The following CDS2 variants were observed in gnomAD, a reference collection of about 807,000 sequenced individuals.
CDS2 encodes the protein phosphatidate cytidylyltransferase 2.
CDS2 carries 47 observed loss-of-function variants against 59.0 expected under a neutral mutation model. That is an observed-to-expected ratio of 0.80 (90% confidence interval 0.63 to 1.02). The LOEUF (loss-of-function observed/expected upper bound fraction) is 1.02. Ranked by LOEUF, CDS2 falls within the 50% of genes least tolerant of loss-of-function variation. CDS2 has a pLI of 0.00. For synonymous variants in CDS2, 207 were observed against 206.4 expected (o/e 1.00, Z -0.02); for missense variants, 356 against 558.9 (o/e 0.64, Z 3.66).
chr20:5,135,427 T>TG (rs148917027), intron 1 of CDS2, among the ~76,000 whole-genome samples: 1 of 151,656 alleles, frequency 6.6e-6, no homozygotes, highest in African/African-American at 2.4e-5. Flanking sequence ...TAGAGGCTGT[T>TG]GGGGGTGAAA....
At chr20:5,134,210 C>G (rs559662801) in intron 1 of CDS2, among the ~76,000 whole-genome samples, 1 of 152,150 alleles carries the variant, frequency 6.6e-6, no homozygotes, top group Non-Finnish European at 1.5e-5. Context: ...GGCGCCTTAC[C>G]CAGGCAGTGG....
chr20:5,153,300 C>A (rs1568533382), intron 1 of CDS2, among the ~76,000 whole-genome samples: 1 of 152,134 alleles, frequency 6.6e-6, no homozygotes, highest in Non-Finnish European at 1.5e-5. Context: ...AGAGTGCGTA[C>A]ATATCATATT....
rs2091135105 is a variant in CDS2 at position 5,193,638 on chromosome 20, G to A, written c.*3404G>A. ...AGCCCTTGTCACCTGTTTGTATGGG[G>A]ACCATGTTTCCCAAAGCTCAGGTTC... On this transcript the variant is annotated 3_prime_UTR_variant, in exon 13 of 13. Coordinates refer to ENST00000460006, the MANE Select transcript of CDS2 (RefSeq NM_003818.4). 6.6e-6 allele frequency: 1 copy of A among 152,188 alleles called. No homozygotes were observed. Among genetic ancestry groups the A allele is most frequent in the South Asian group, 2.1e-4 (1 of 4,828 alleles). 9.4% of individuals were successfully genotyped at this position (152,188 alleles called of 1,614,324 possible).
chr20:5,186,099 G>A (rs1325927615), intron 9 of CDS2, among the ~76,000 whole-genome samples: 1 of 152,226 alleles, frequency 6.6e-6, no homozygotes, highest in Non-Finnish European at 1.5e-5. Flanking sequence ...ATGTTCCAAG[G>A]TCAGGGTGAG....
At position 5,127,070 on chromosome 20, in the gene CDS2, G is replaced by C. The variant is rs1371681391; in HGVS notation, c.-23G>C. ...GGCGGCTTCGCTGCTAGCTCGCGGC[G>C]ACGTCGGGCCGATTTTCCCAGGATG... On this transcript the variant is annotated 5_prime_UTR_variant, in exon 1 of 13. Transcript: ENST00000460006. 6.0e-6 allele frequency: 9 copies of C among 1,489,630 alleles called. No homozygotes were observed. The South Asian group carries it at 8.9e-5, about 15-fold the overall frequency. 92.3% of individuals were successfully genotyped at this position (1,489,630 alleles called of 1,614,324 possible). A position where few individuals can be genotyped will look rare whatever the true frequency, so the allele number is the denominator to read the frequency against.
chr20:5,134,526 T>G (rs534553617), intron 1 of CDS2, among the ~76,000 whole-genome samples: 1 of 152,322 alleles, frequency 6.6e-6, no homozygotes, highest in South Asian at 2.1e-4. Flanking sequence ...TTTATTTATC[T>G]ATTTATTTTT....
At chr20:5,153,953 C>T (rs566401543) in intron 1 of CDS2, among the ~76,000 whole-genome samples, 91 of 152,284 alleles carry the variant, frequency 6.0e-4, no homozygotes, top group Admixed American at 2.5e-3. Context: ...TGAAGCTCTT[C>T]AGGTGGCATG....
intron 4 of CDS2, among the ~76,000 whole-genome samples, chr20:5,177,277 T>C (rs1291322308): frequency 6.6e-6 from 1 of 151,968 alleles, no homozygotes; most frequent in Non-Finnish European, 1.5e-5. Context: ...GCTTTGCTTG[T>C]TATCCTTGGA....
rs2091155114 is a variant in CDS2, at chr20:5,196,065, T to C, written c.*5831T>C. ...AGTTGAATAATAACTGAACTACTGGTTTGACTGTGGATTATTTCCTGGGTA... is the reference window on the plus strand; with the variant it reads ...AGTTGAATAATAACTGAACTACTGGCTTGACTGTGGATTATTTCCTGGGTA... On this transcript the variant is annotated 3_prime_UTR_variant, in exon 13 of 13. Coordinates refer to ENST00000460006, the MANE Select transcript of CDS2 (RefSeq NM_003818.4). 6.6e-6 allele frequency: 1 copy of C among 152,164 alleles called. No homozygotes were observed. The highest frequency in any genetic ancestry group is 2.1e-4 in the South Asian group (1 of 4,816). 9.4% of individuals were successfully genotyped at this position (152,164 alleles called of 1,614,324 possible).
chr20:5,164,312 G>T (rs550855761), intron 1 of CDS2, among the ~76,000 whole-genome samples: 33 of 152,254 alleles, frequency 2.2e-4, no homozygotes, highest in Admixed American at 1.4e-3. Context: ...CTGCCCACAG[G>T]AGTAGGGGAG....
intron 1 of CDS2, 60 bp from the exon 2 acceptor site, chr20:5,173,463 C>CT (rs1444576217): frequency 4.9e-5 from 78 of 1,593,998 alleles, no homozygotes; most frequent in Non-Finnish European, 6.6e-5. Flanking sequence ...CAGGCATAGA[C>CT]TTCTCAATGG....
chr20:5,196,060 A>G lies in CDS2; in HGVS notation c.*5826A>G, dbSNP rs981752187. On this transcript the variant is annotated 3_prime_UTR_variant, in exon 13 of 13. Coordinates refer to ENST00000460006, the MANE Select transcript of CDS2 (RefSeq NM_003818.4). ...AGGTCAGTTGAATAATAACTGAACT[A>G]CTGGTTTGACTGTGGATTATTTCCT... The G allele has an allele frequency of 5.9e-5, 9 of 152,194 alleles. No homozygotes were observed. Among genetic ancestry groups the G allele is most frequent in the African/African-American group, 2.2e-4 (9 of 41,442 alleles). The allele number at this position is 152,194 out of a possible 1,614,324, so 9.4% of individuals were successfully genotyped here.
chr20:5,167,519 T>A (rs763971771), intron 1 of CDS2, among the ~76,000 whole-genome samples: 2 of 152,178 alleles, frequency 1.3e-5, no homozygotes, highest in African/African-American at 2.4e-5. Context: ...ATGGATGCTG[T>A]CACACACTGG....
chr20:5,132,356 C>T (rs779712147), intron 1 of CDS2, among the ~76,000 whole-genome samples: 25 of 152,158 alleles, frequency 1.6e-4, no homozygotes, highest in Non-Finnish European at 2.8e-4. Flanking sequence ...CCTTGGCCTC[C>T]TGAAGTGCTG....
chr20:5,190,074 A>C, intron 12 of CDS2, 28 bp from the exon 13 acceptor site: 1 of 1,611,338 alleles, frequency 6.2e-7, no homozygotes, highest in Non-Finnish European at 8.5e-7. Context: ...GCCCTAGCTC[A>C]GTGCTGTTTC....
intron 1 of CDS2, among the ~76,000 whole-genome samples, chr20:5,155,782 T>C (rs923709207): frequency 9.2e-5 from 14 of 152,146 alleles, no homozygotes; most frequent in African/African-American, 3.1e-4. Context: ...ATTAATTTTG[T>C]TGGGGGGAGT....
At chr20:5,135,670 A>G (rs569083449) in intron 1 of CDS2, among the ~76,000 whole-genome samples, 1 of 152,044 alleles carries the variant, frequency 6.6e-6, no homozygotes, top group Admixed American at 6.5e-5. Flanking sequence ...TTCCTATGCC[A>G]GTCACTGATA....
intron 10 of CDS2, 126 bp downstream of exon 10, chr20:5,186,965 G>A (rs1025883861): frequency 2.2e-5 from 24 of 1,069,612 alleles, no homozygotes; most frequent in Non-Finnish European, 2.6e-5. Flanking sequence ...GCCCCAGGAT[G>A]AAGGAGAATT....
At position 5,182,447 on chromosome 20, in the gene CDS2, T is replaced by G; in HGVS notation, c.588+2T>G. ...CATTATCGACTGCAGTTCTACATGG[T>G]AAAGGAAATGCATGCGTGTGTGTCA... is the stretch of plus-strand genomic sequence containing the variant. On this transcript the variant is annotated splice_donor_variant, in intron 6 of 12. Coordinates refer to ENST00000460006, the MANE Select transcript of CDS2 (RefSeq NM_003818.4). LOFTEE classifies it high-confidence loss of function. 1 of 1,610,720 alleles carries G rather than the reference T, an allele frequency of 6.2e-7. No homozygotes were observed. The highest frequency in any genetic ancestry group is 8.5e-7 in the Non-Finnish European group (1 of 1,178,074).
Sources: allele counts gnomAD v4.1 joint callset (sites outside exome capture counted in the v4.1 genomes callset), GRCh38; gene constraint gnomAD v4.1.1; transcripts MANE v1.5; gene names NCBI Gene and HGNC (gene_info 2026-07-23, HGNC 2026-07-21).